CD163L1: variants seen among roughly 807,000 people sequenced by gnomAD.
CD163L1 encodes the protein CD163 molecule like 1, also known as scavenger receptor cysteine-rich type 1 protein M160.
A neutral mutation model predicts 165.4 loss-of-function variants in CD163L1; 124 were observed. That is an observed-to-expected ratio of 0.75 (90% CI 0.65 to 0.87). CD163L1 has a LOEUF of 0.87. Among genes scored for constraint, CD163L1 ranks in the 40% least tolerant of loss-of-function variants. The probability of loss-of-function intolerance (pLI) is 0.00; values close to 1 mark genes in which losing one functional copy is unlikely to be tolerated. For missense variants in CD163L1, 1,525 were observed against 1,799.9 expected (o/e 0.85, Z 2.76); for synonymous variants, 585 against 662.2 (o/e 0.88, Z 1.79).
chr12:7,406,808 A>C lies in CD163L1; in HGVS notation c.811T>G (p.Cys271Gly), dbSNP rs867808678. 3 of 1,614,042 alleles carry C rather than the reference A, an allele frequency of 1.9e-6. No individual in the cohort carries two copies. The Middle Eastern group carries it at 5.0e-4, about 266-fold the overall frequency. The change falls in exon 5 of 20, where the codon TGT (cysteine) becomes GGT (glycine). Residue 271 changes from cysteine to glycine, a missense_variant. Transcript: ENST00000313599. ...ATTTTCAGCTCTACTCTCCCCATAC[A>C]GCGGTTAGTTCCACCTACAAGCCTT... The part of the protein sequence containing the change: ...ELRLVGGTNR[C>G]MGRVELKIQG...
chr12:7,334,435 C>G, the CD163L1 span, among the ~76,000 whole-genome samples: 17 of 152,188 alleles, frequency 1.1e-4, no homozygotes, highest in Admixed American at 7.2e-4. Flanking sequence ...TGACAAAATT[C>G]AACAACCCTT....
intron 8 of CD163L1, among the ~76,000 whole-genome samples, chr12:7,392,360 T>C (rs956556065): frequency 6.6e-6 from 1 of 152,120 alleles, no homozygotes; most frequent in Non-Finnish European, 1.5e-5. Flanking sequence ...GAAATAAAGA[T>C]GTTCTTTGAA....
intron 4 of CD163L1, among the ~76,000 whole-genome samples, chr12:7,419,155 A>T (rs1025426807): frequency 6.6e-6 from 1 of 151,922 alleles, no homozygotes; most frequent in African/African-American, 2.4e-5. Context: ...TATCAGAAAG[A>T]TAATCCACCA....
Position 7,399,315 on chromosome 12 carries a change from TTTC to T in CD163L1, c.1409-734_1409-732del, listed in dbSNP as rs1384385955. Among the ~76,000 whole-genome samples the T allele has an allele frequency of 4.6e-5, 7 of 151,180 alleles. No homozygotes were observed. In the East Asian group the frequency reaches 6.0e-4, roughly 13 times the overall value. ...TTCTTTCTCTCCTTTCTTTCTTTTC[TTTC>T]TTCTCTCTCTTCTTTCATTCTCTCT... On this transcript the variant is annotated intron_variant, in intron 6 of 19. Coordinates refer to ENST00000313599, the MANE Select transcript of CD163L1 (RefSeq NM_174941.6).
chr12:7,439,652 T>C, intron 2 of CD163L1: 1 of 1,612,638 alleles, frequency 6.2e-7, no homozygotes, highest in Non-Finnish European at 8.5e-7. Context: ...TTGGCTTTGT[T>C]CTCTGCAATT....
At chr12:7,429,788 A>C (rs1948599649) in intron 4 of CD163L1, among the ~76,000 whole-genome samples, 1 of 152,088 alleles carries the variant, frequency 6.6e-6, no homozygotes, top group Admixed American at 6.6e-5. Context: ...TGGCTCTCAA[A>C]AGCTATTCTT....
At chr12:7,443,752 T>C (rs902620898) in intron 1 of CD163L1, among the ~76,000 whole-genome samples, 3 of 152,194 alleles carry the variant, frequency 2.0e-5, no homozygotes, top group African/African-American at 7.2e-5. Flanking sequence ...TGAGATGACC[T>C]AAAGCATTTA....
At chr12:7,395,216 T>C (rs982915991) in intron 8 of CD163L1, among the ~76,000 whole-genome samples, 3 of 152,184 alleles carry the variant, frequency 2.0e-5, no homozygotes, top group African/African-American at 7.2e-5. Context: ...AGTGATAGAC[T>C]GGATTAAGAA....
chr12:7,394,581 A>G (rs755907235), intron 8 of CD163L1, among the ~76,000 whole-genome samples: 1 of 152,360 alleles, frequency 6.6e-6, no homozygotes, highest in East Asian at 1.9e-4. Context: ...ACAAAAGCCA[A>G]AATTGACAAA....
chr12:7,402,698 C>T (rs765564831), intron 6 of CD163L1, among the ~76,000 whole-genome samples: 21 of 151,802 alleles, frequency 1.4e-4, no homozygotes, highest in Non-Finnish European at 1.0e-4. Context: ...TGCAGTGACC[C>T]AATCACGGCT....
At chr12:7,328,122 C>T in the CD163L1 span, among the ~76,000 whole-genome samples, 542 of 152,298 alleles carry the variant, frequency 3.6e-3, 3 homozygotes, top group African/African-American at 0.013. Flanking sequence ...TATCACCCTT[C>T]CTACATAAAC....
chr12:7,393,005 T>G (rs1201321190), intron 8 of CD163L1, among the ~76,000 whole-genome samples: 1 of 152,160 alleles, frequency 6.6e-6, no homozygotes, highest in African/African-American at 2.4e-5. Flanking sequence ...AAAGAGGGGT[T>G]GGTACCATTC....
intron 18 of CD163L1, among the ~76,000 whole-genome samples, chr12:7,363,370 A>G (rs925007312): frequency 2.0e-5 from 3 of 151,998 alleles, no homozygotes; most frequent in African/African-American, 7.2e-5. Context: ...CACCTCAAGG[A>G]ACAAAAAAAG....
chr12:7,371,812 T>C (rs1340370843), intron 14 of CD163L1, among the ~76,000 whole-genome samples: 4 of 151,802 alleles, frequency 2.6e-5, no homozygotes. Context: ...CTTGAGAAAA[T>C]ATTGCTAAAT....
chr12:7,397,277 A>G (rs1281940047), intron 7 of CD163L1, among the ~76,000 whole-genome samples: 1 of 152,222 alleles, frequency 6.6e-6, no homozygotes, highest in Non-Finnish European at 1.5e-5. Context: ...TGGGAAAAGA[A>G]AAGGATGAGC....
At chr12:7,388,530 C>T (rs578244752) in intron 8 of CD163L1, among the ~76,000 whole-genome samples, 3 of 150,646 alleles carry the variant, frequency 2.0e-5, no homozygotes, top group South Asian at 2.1e-4. Flanking sequence ...ATCACTTGAG[C>T]CCGGGAGATT....
At chr12:7,413,091 C>CAAAAAAAA (rs111943372) in intron 4 of CD163L1, among the ~76,000 whole-genome samples, 2 of 39,524 alleles carry the variant, frequency 5.1e-5, no homozygotes, top group African/African-American at 7.6e-5. Flanking sequence ...GACTCCATCT[C>CAAAAAAAA]AAAAAAAAAA....
chr12:7,373,169 T>C, intron 14 of CD163L1, 151 bp downstream of exon 14: 1 of 565,812 alleles, frequency 1.8e-6, no homozygotes, highest in Non-Finnish European at 2.9e-6. Flanking sequence ...TAATAAAATT[T>C]CAATATAGAA....
chr12:7,444,063 C>T, intron 1 of CD163L1, 34 bp downstream of exon 1: 1 of 1,610,740 alleles, frequency 6.2e-7, no homozygotes, highest in Admixed American at 1.7e-5. Context: ...CACCATCTCC[C>T]AAATGGCAGA....
Sources: gnomAD v4.1 joint callset for allele counts (sites outside exome capture counted in the v4.1 genomes callset) on GRCh38, gnomAD v4.1.1 for gene constraint, MANE v1.5 for transcripts, NCBI Gene and HGNC (gene_info 2026-07-23, HGNC 2026-07-21) for gene names.